KIF1B: variants seen among roughly 807,000 people sequenced by gnomAD.
KIF1B encodes kinesin-like protein KIF1B.
A neutral mutation model predicts 241.9 loss-of-function variants in KIF1B; 76 were observed. That is an observed-to-expected ratio of 0.31 (90% CI 0.26 to 0.38). KIF1B has a LOEUF of 0.38. Ranked by LOEUF, KIF1B falls within the 10% of genes least tolerant of loss-of-function variation. KIF1B has a pLI of 1.00. For synonymous variants in KIF1B, 750 were observed against 796.7 expected (o/e 0.94, Z 0.99); for missense variants, 1,622 against 2,271.4 (o/e 0.71, Z 5.81).
intron 22 of KIF1B, chr1:10,305,634 T>C: frequency 1.9e-6 from 2 of 1,056,608 alleles, no homozygotes; most frequent in Non-Finnish European, 2.3e-6. Context: ...ATAAAGGAGA[T>C]GATACATAAT....
In KIF1B at chr1:10,365,062, T is replaced by G. The variant is rs752067538; in HGVS notation, c.4367-38T>G. On this transcript the variant is annotated intron_variant, in intron 41 of 48. Coordinates refer to ENST00000676179, the MANE Select transcript of KIF1B (RefSeq NM_001365951.3). The surrounding 1 kb of genome is among the most constrained non-coding windows in gnomAD (Gnocchi z 4.0). ...TTTGACCTAAACTTGGAATTGAATT[T>G]TTTTTCTGAAACAAAAACTTGTTTC... is the stretch of plus-strand genomic sequence containing the variant. 2 of 1,604,892 alleles carry G rather than the reference T, an allele frequency of 1.2e-6. No individual in the cohort carries two copies. Among genetic ancestry groups the G allele is most frequent in the Admixed American group, 1.7e-5 (1 of 59,556 alleles).
intron 22 of KIF1B, chr1:10,305,188 A>C: frequency 1.9e-6 from 2 of 1,047,604 alleles, no homozygotes; most frequent in Non-Finnish European, 2.3e-6. Flanking sequence ...GTAAGCCAAA[A>C]CTAAAGGTCT....
At chr1:10,289,123 C>T (rs1400381805) in intron 15 of KIF1B, among the ~76,000 whole-genome samples, 2 of 152,084 alleles carry the variant, frequency 1.3e-5, no homozygotes, top group African/African-American at 4.8e-5. Context: ...TCTCCATGAC[C>T]AGCATTTTCA....
At chr1:10,241,926 G>A (rs554338991) in intron 2 of KIF1B, among the ~76,000 whole-genome samples, 2 of 152,288 alleles carry the variant, frequency 1.3e-5, no homozygotes, top group Admixed American at 6.5e-5. Context: ...CCGTGAAAGG[G>A]ATGCTACTTC....
intron 2 of KIF1B, among the ~76,000 whole-genome samples, chr1:10,251,793 A>G (rs191798843): frequency 6.6e-6 from 1 of 152,082 alleles, no homozygotes; most frequent in African/African-American, 2.4e-5. Flanking sequence ...CAGAGGCTTA[A>G]AAGTTTTTTG....
intron 45 of KIF1B, among the ~76,000 whole-genome samples, chr1:10,372,022 T>G (rs528755245): frequency 6.6e-6 from 1 of 152,276 alleles, no homozygotes; most frequent in East Asian, 1.9e-4. Flanking sequence ...CTCTTGTGCA[T>G]CTCCATCAAT....
At chr1:10,376,222 A>G (rs183994360) in intron 48 of KIF1B, among the ~76,000 whole-genome samples, 1 of 152,344 alleles carries the variant, frequency 6.6e-6, no homozygotes, top group East Asian at 1.9e-4. Context: ...CTGAACCACC[A>G]GGGATACTCT....
Position 10,374,012 on chromosome 1 carries a change from G to A in KIF1B, c.4947-304G>A, listed in dbSNP as rs1337569281. 2.0e-5 allele frequency among the ~76,000 whole-genome samples: 3 copies of A among 152,208 alleles called. No homozygotes were observed. The highest frequency in any genetic ancestry group is 7.2e-5 in the African/African-American group (3 of 41,450). ...ATGGGACTAAAAAGAAACATATAAA[G>A]GAGTAGAGTTCCTATTCCAGATAAT... On this transcript the variant is annotated intron_variant, in intron 45 of 48. Coordinates refer to ENST00000676179, the MANE Select transcript of KIF1B (RefSeq NM_001365951.3). This position sits in a 1 kb window ranked among gnomAD's most constrained non-coding sequence, Gnocchi z 4.3.
At chr1:10,296,434 A>T in intron 19 of KIF1B, 148 bp from the exon 20 acceptor site, 1 of 695,036 alleles carries the variant, frequency 1.4e-6, no homozygotes, top group South Asian at 1.5e-5. Context: ...TGGTACCCCA[A>T]AATGAACTAC....
At chr1:10,369,718 A>T (rs1004388974) in intron 44 of KIF1B, among the ~76,000 whole-genome samples, 4 of 152,146 alleles carry the variant, frequency 2.6e-5, no homozygotes, top group Non-Finnish European at 4.4e-5. Flanking sequence ...AGATCACCTG[A>T]GGTCGGGAGT....
intron 1 of KIF1B, among the ~76,000 whole-genome samples, chr1:10,215,994 C>T (rs766694720): frequency 2.0e-5 from 3 of 152,152 alleles, no homozygotes; most frequent in Non-Finnish European, 4.4e-5. Flanking sequence ...TCATATTGAG[C>T]ACTTTCTGTG....
chr1:10,329,854 C>T (rs1395858878), intron 27 of KIF1B, among the ~76,000 whole-genome samples: 2 of 152,148 alleles, frequency 1.3e-5, no homozygotes, highest in Non-Finnish European at 2.9e-5. Flanking sequence ...TAGCTATTCT[C>T]TTATGGCATG....
rs1569862635 is a variant in KIF1B, at chr1:10,342,708, C to T, written c.3633-524C>T. On this transcript the variant is annotated intron_variant, in intron 33 of 48. Transcript: ENST00000676179. ...GAGTTGAAAATGGAAAAGTCTGCTT[C>T]CTTAAAGGGAATTAAAACATGCTAT... Among the ~76,000 whole-genome samples, 3 of 152,164 alleles carry T rather than the reference C, an allele frequency of 2.0e-5. No individual in the cohort carries two copies. In the South Asian group the frequency reaches 6.2e-4, roughly 31 times the overall value.
chr1:10,357,468 G>A (rs141142585), intron 38 of KIF1B, among the ~76,000 whole-genome samples: 2 of 152,138 alleles, frequency 1.3e-5, no homozygotes, highest in Non-Finnish European at 2.9e-5. Context: ...CAGTGTAATG[G>A]CTCACACCTG....
At chr1:10,284,440 C>T (rs1649587044) in intron 15 of KIF1B, among the ~76,000 whole-genome samples, 1 of 152,054 alleles carries the variant, frequency 6.6e-6, no homozygotes, top group Non-Finnish European at 1.5e-5. Context: ...AATCCCAGCA[C>T]TTTGGGAGGC....
At chr1:10,350,258 T>A (rs933467877) in intron 37 of KIF1B, among the ~76,000 whole-genome samples, 6 of 148,704 alleles carry the variant, frequency 4.0e-5, no homozygotes, top group African/African-American at 1.5e-4. Flanking sequence ...AGTGAGACTC[T>A]GTTTAAAAAT....
rs980537544 is a variant in KIF1B at position 10,254,602 on chromosome 1, C to T, written c.107-1645C>T. ...TTTAAAAAGAGCTTTCATGGCCAGG[C>T]GCGGTGGCTCACGCTTGTAATCCCA... is the stretch of plus-strand genomic sequence containing the variant. On this transcript the variant is annotated intron_variant, in intron 2 of 48. Transcript: ENST00000676179. 5.9e-5 allele frequency among the ~76,000 whole-genome samples: 9 copies of T among 152,018 alleles called. 1 individual carries two copies. In the South Asian group the frequency reaches 6.2e-4, roughly 10 times the overall value.
chr1:10,363,467 G>A, intron 41 of KIF1B, 123 bp downstream of exon 41: 1 of 796,728 alleles, frequency 1.3e-6, no homozygotes, highest in Non-Finnish European at 2.2e-6. Flanking sequence ...CAAGGCGGGT[G>A]GATCACCTGA....
Position 10,295,704 on chromosome 1 carries a change from G to T in KIF1B, c.1715G>T (p.Ser572Ile). 6.2e-7 allele frequency: 1 copy of T among 1,613,896 alleles called. No individual in the cohort carries two copies. Among genetic ancestry groups the T allele is most frequent in the South Asian group, 1.1e-5 (1 of 91,054 alleles). The change falls in exon 19 of 49, where the codon AGC becomes ATC. Residue 572 changes from serine (S) to isoleucine (I), a missense_variant. Ser to Ile is a moderately radical substitution (Grantham distance 142). Coordinates refer to ENST00000676179, the MANE Select transcript of KIF1B (RefSeq NM_001365951.3). ...GAGCGGCGCCAGGACATAGTGCTGA[G>T]CGGGGCTCACATTAAAGAAGAGCAT... ...DAERRQDIVL[S>I]GAHIKEEHCI...
Sources: gnomAD v4.1 joint callset for allele counts (sites outside exome capture counted in the v4.1 genomes callset) on GRCh38, gnomAD v4.1.1 for gene constraint, Gnocchi (gnomAD v3.1) non-coding constraint, MANE v1.5 for transcripts, NCBI Gene and HGNC (gene_info 2026-07-23, HGNC 2026-07-21) for gene names.